CSMD1: variants seen among roughly 807,000 people sequenced by gnomAD.
CSMD1 encodes the protein CUB and sushi domain-containing protein 1.
In CSMD1, 213 loss-of-function variants were observed where a neutral mutation model predicts 417.5. That is an observed-to-expected ratio of 0.51 (90% CI 0.46 to 0.57). CSMD1 has a LOEUF of 0.57. Ranked by LOEUF, CSMD1 falls within the 20% of genes least tolerant of loss-of-function variation. CSMD1 has a pLI of 0.00. For synonymous variants in CSMD1, 2,862 were observed against 1,736.8 expected (o/e 1.65, Z -16.11); for missense variants, 6,923 against 4,529.7 (o/e 1.53, Z -15.17).
intron 33 of CSMD1, among the ~76,000 whole-genome samples, chr8:3,195,745 T>G (rs1477465450): frequency 6.6e-6 from 1 of 152,132 alleles, no homozygotes; most frequent in South Asian, 2.1e-4. Context: ...GAAACTGGTA[T>G]AAAACACTTT....
At chr8:4,716,351 A>G (rs1808658985) in intron 1 of CSMD1, among the ~76,000 whole-genome samples, 1 of 152,242 alleles carries the variant, frequency 6.6e-6, no homozygotes, top group Non-Finnish European at 1.5e-5. Context: ...GAAAACAGGC[A>G]TGACATCAAG....
Position 3,140,075 on chromosome 8 carries a change from G to C in CSMD1, c.6241+2390C>G, listed in dbSNP as rs370835796. Among the ~76,000 whole-genome samples the C allele has an allele frequency of 8.6e-5, 13 of 151,748 alleles. No individual in the cohort carries two copies. In the East Asian group the frequency reaches 9.7e-4, roughly 11 times the overall value. ...CTGCCATCATGTGCCGGCTAATTTT[G>C]GTATTTTTAGTAGAGATGTGGTTTC... On this transcript the variant is annotated intron_variant, in intron 41 of 69. Transcript: ENST00000635120.
chr8:3,938,169 A>C (rs1019314645), intron 5 of CSMD1, among the ~76,000 whole-genome samples: 1 of 152,158 alleles, frequency 6.6e-6, no homozygotes, highest in African/African-American at 2.4e-5. Context: ...TGTGTCAATA[A>C]AAGTTGGGCA....
chr8:3,887,584 G>C (rs541321533), intron 5 of CSMD1, among the ~76,000 whole-genome samples: 2 of 152,266 alleles, frequency 1.3e-5, no homozygotes, highest in Admixed American at 6.5e-5. Flanking sequence ...CAAGGCCAAG[G>C]AAATTATGTT....
chr8:4,605,966 A>G (rs546535123), intron 2 of CSMD1, among the ~76,000 whole-genome samples: 4 of 152,332 alleles, frequency 2.6e-5, no homozygotes, highest in South Asian at 2.1e-4. Flanking sequence ...AGACCAGAGC[A>G]GAGCCAATGG....
chr8:4,275,798 G>A lies in CSMD1; in HGVS notation c.415+144155C>T, dbSNP rs183169039. Reference sequence around the variant, plus strand: ...AAAACTCTAAAATGCTATAACTTTGGCATGACTAATGATCTATACTAATGA... The same window carrying A: ...AAAACTCTAAAATGCTATAACTTTGACATGACTAATGATCTATACTAATGA... On this transcript the variant is annotated intron_variant, in intron 3 of 69. Coordinates refer to ENST00000635120, the MANE Select transcript of CSMD1 (RefSeq NM_033225.6). 1.6e-3 allele frequency among the ~76,000 whole-genome samples: 250 copies of A among 152,182 alleles called. 1 individual carries two copies. Among genetic ancestry groups the A allele is most frequent in the Non-Finnish European group, 2.7e-3 (183 of 68,010 alleles).
chr8:3,670,352 G>C (rs1048625595), intron 7 of CSMD1, among the ~76,000 whole-genome samples: 1 of 151,660 alleles, frequency 6.6e-6, no homozygotes, highest in African/African-American at 2.4e-5. Flanking sequence ...TTTGGGACTC[G>C]GGCTGGCTCT....
intron 5 of CSMD1, among the ~76,000 whole-genome samples, chr8:3,757,876 A>AAAC (rs2129055053): frequency 6.6e-6 from 1 of 151,652 alleles, no homozygotes; most frequent in Admixed American, 6.6e-5. Flanking sequence ...AACAAAAAAA[A>AAAC]CCAACAACAA....
intron 12 of CSMD1, among the ~76,000 whole-genome samples, chr8:3,422,919 G>A (rs1393002288): frequency 6.6e-6 from 1 of 152,122 alleles, no homozygotes; most frequent in Non-Finnish European, 1.5e-5. Flanking sequence ...ATGGCAGAAG[G>A]AAAAGGGCAA....
chr8:4,650,275 G>A (rs899918680), intron 1 of CSMD1, among the ~76,000 whole-genome samples: 1 of 149,214 alleles, frequency 6.7e-6, no homozygotes, highest in African/African-American at 2.5e-5. Context: ...AACCCGGGAG[G>A]CGGAGCTTGC....
intron 10 of CSMD1, among the ~76,000 whole-genome samples, chr8:3,538,150 T>C (rs977602189): frequency 1.3e-5 from 2 of 152,208 alleles, no homozygotes; most frequent in African/African-American, 4.8e-5. Flanking sequence ...TAGATTTACA[T>C]CTTTACTTGA....
At chr8:3,210,574 A>G (rs983872616) in intron 30 of CSMD1, among the ~76,000 whole-genome samples, 2 of 104,242 alleles carry the variant, frequency 1.9e-5, no homozygotes, top group Non-Finnish European at 4.0e-5. Flanking sequence ...ATTCCTATAC[A>G]TATGTGTATA....
intron 3 of CSMD1, among the ~76,000 whole-genome samples, chr8:4,381,528 G>A (rs894664713): frequency 5.3e-5 from 8 of 152,222 alleles, no homozygotes; most frequent in Non-Finnish European, 8.8e-5. Flanking sequence ...TTATATTGAG[G>A]TTGGTAGGGA....
intron 41 of CSMD1, chr8:3,127,898 TGAAGGAAGGAAGGAAG>T (rs145008573): frequency 2.2e-5 from 2 of 90,114 alleles, no homozygotes; most frequent in Non-Finnish European, 4.3e-5. Context: ...GAGGGAGGAA[TGAAGGAAGGAAGGAAG>T]GAAGGAAGGA....
At chr8:4,484,358 G>T (rs1365539281) in intron 2 of CSMD1, among the ~76,000 whole-genome samples, 1 of 152,140 alleles carries the variant, frequency 6.6e-6, no homozygotes, top group South Asian at 2.1e-4. Flanking sequence ...AAAGAGAAAG[G>T]TGGGGTTTAC....
chr8:4,810,924 T>C (rs1798862240), intron 1 of CSMD1, among the ~76,000 whole-genome samples: 1 of 152,164 alleles, frequency 6.6e-6, no homozygotes, highest in Admixed American at 6.5e-5. Flanking sequence ...TCTCCTGAAA[T>C]ATGAGATTAA....
chr8:4,750,122 C>G (rs1349550192), intron 1 of CSMD1, among the ~76,000 whole-genome samples: 1 of 152,192 alleles, frequency 6.6e-6, no homozygotes, highest in South Asian at 2.1e-4. Flanking sequence ...TCTCCTGCCT[C>G]AGCCTCCCGA....
intron 26 of CSMD1, among the ~76,000 whole-genome samples, chr8:3,267,100 T>TCC (rs138121564): frequency 0.066 from 10,028 of 151,722 alleles, 449 homozygotes; most frequent in Non-Finnish European, 0.089. Flanking sequence ...AGGGTGAAAA[T>TCC]CAGGAGAGAA....
intron 1 of CSMD1, among the ~76,000 whole-genome samples, chr8:4,876,272 A>G (rs1803037578): frequency 6.6e-6 from 1 of 152,072 alleles, no homozygotes; most frequent in Non-Finnish European, 1.5e-5. Context: ...ATGACAATTC[A>G]TATGCTGCAA....
Sources: gnomAD v4.1 joint callset for allele counts (sites outside exome capture counted in the v4.1 genomes callset) on GRCh38, gnomAD v4.1.1 for gene constraint, MANE v1.5 for transcripts, NCBI Gene and HGNC (gene_info 2026-07-23, HGNC 2026-07-21) for gene names.